Variants in ERBB4 observed in about 807,000 individuals in gnomAD.
The protein encoded by ERBB4 is receptor tyrosine-protein kinase erbB-4.
ERBB4 carries 42 observed loss-of-function variants against 158.0 expected under a neutral mutation model. The observed-to-expected ratio is 0.27, with a 90% confidence interval of 0.21 to 0.34. The LOEUF is 0.34. Ranked by LOEUF, ERBB4 falls within the 10% of genes least tolerant of loss-of-function variation. The pLI, the probability that ERBB4 is intolerant of heterozygous loss-of-function variation, is 1.00. For synonymous variants in ERBB4, 583 were observed against 558.7 expected (o/e 1.04, Z -0.61); for missense variants, 1,333 against 1,624.1 (o/e 0.82, Z 3.08).
At chr2:211,965,138 T>C (rs1156459817) in intron 2 of ERBB4, among the ~76,000 whole-genome samples, 1 of 152,102 alleles carries the variant, frequency 6.6e-6, no homozygotes, top group African/African-American at 2.4e-5. Context: ...GTTGACAGCG[T>C]CGTATCATGA....
intron 20 of ERBB4, among the ~76,000 whole-genome samples, chr2:211,493,761 A>T (rs938755992): frequency 2.0e-5 from 3 of 152,084 alleles, no homozygotes; most frequent in Admixed American, 6.5e-5. Context: ...AAAGCTCAAG[A>T]TGTTAACTAG....
At chr2:211,774,231 C>A (rs546871976) in intron 4 of ERBB4, among the ~76,000 whole-genome samples, 2 of 152,084 alleles carry the variant, frequency 1.3e-5, no homozygotes, top group East Asian at 3.9e-4. Context: ...TGCCATCATG[C>A]CCGACTAATT....
At chr2:211,538,602 T>C (rs1386713342) in intron 20 of ERBB4, among the ~76,000 whole-genome samples, 1 of 151,906 alleles carries the variant, frequency 6.6e-6, no homozygotes, top group African/African-American at 2.4e-5. Flanking sequence ...TGACACGGAA[T>C]TAAGTATAAT....
chr2:212,186,353 A>G (rs1215665828), intron 1 of ERBB4, among the ~76,000 whole-genome samples: 1 of 152,182 alleles, frequency 6.6e-6, no homozygotes, highest in African/African-American at 2.4e-5. Flanking sequence ...GCTAGTCAAG[A>G]GTGTCTGATA....
intron 3 of ERBB4, among the ~76,000 whole-genome samples, chr2:211,897,393 A>G (rs1295010030): frequency 6.6e-6 from 1 of 151,660 alleles, no homozygotes. Flanking sequence ...AATGATGCAT[A>G]TGAAGGGCTC....
At chr2:211,443,853 G>T (rs1034054321) in intron 20 of ERBB4, among the ~76,000 whole-genome samples, 33 of 152,176 alleles carry the variant, frequency 2.2e-4, no homozygotes, top group African/African-American at 7.5e-4. Context: ...AAAATTCTTA[G>T]AACAGTTAAG....
chr2:211,542,072 T>C (rs1574709811), intron 20 of ERBB4, among the ~76,000 whole-genome samples: 1 of 152,130 alleles, frequency 6.6e-6, no homozygotes, highest in African/African-American at 2.4e-5. Flanking sequence ...TTTTGGAATA[T>C]CACTTTCATT....
At chr2:212,101,352 T>TATATATATATATATAC (rs1553558282) in intron 2 of ERBB4, among the ~76,000 whole-genome samples, 102 of 139,954 alleles carry the variant, frequency 7.3e-4, no homozygotes, top group African/African-American at 3.0e-3. Context: ...ACCCTATACA[T>TATATATATATATATAC]ATATATATAT....
At chr2:211,511,306 G>A (rs993358266) in intron 20 of ERBB4, among the ~76,000 whole-genome samples, 2 of 151,886 alleles carry the variant, frequency 1.3e-5, no homozygotes. Flanking sequence ...GCTAATTATA[G>A]GTAATGTGAT....
intron 2 of ERBB4, among the ~76,000 whole-genome samples, chr2:212,040,016 G>GT (rs964862612): frequency 6.8e-4 from 98 of 145,056 alleles, no homozygotes; most frequent in East Asian, 1.0e-3. Flanking sequence ...AGTGAACTAT[G>GT]TTTTTTTTTT....
intron 23 of ERBB4, among the ~76,000 whole-genome samples, chr2:211,422,852 T>C (rs1324037952): frequency 1.3e-5 from 2 of 151,898 alleles, no homozygotes; most frequent in Non-Finnish European, 2.9e-5. Flanking sequence ...TCATTTCCTA[T>C]GCTAGTTACA....
At chr2:212,436,893 T>C (rs1027361851) in intron 1 of ERBB4, among the ~76,000 whole-genome samples, 1 of 151,808 alleles carries the variant, frequency 6.6e-6, no homozygotes, top group African/African-American at 2.4e-5. Flanking sequence ...GAGACAAGAA[T>C]AGGTTGGAGG....
At chr2:211,764,167 T>C in intron 4 of ERBB4, among the ~76,000 whole-genome samples, 1 of 152,332 alleles carries the variant, frequency 6.6e-6, no homozygotes, top group East Asian at 1.9e-4. Flanking sequence ...ACATATAATA[T>C]ATTTTAAAAA....
rs545226955 is a variant in ERBB4, at chr2:211,501,839, T to A, written c.2487+60064A>T. On this transcript the variant is annotated intron_variant, in intron 20 of 27. Transcript: ENST00000342788. Reference sequence around the variant, plus strand: ...TAATTCAGGGTCACTTTTATGAACATCAGTTACTCTATTCTGCTGTTATAA... The same window carrying A: ...TAATTCAGGGTCACTTTTATGAACAACAGTTACTCTATTCTGCTGTTATAA... Among the ~76,000 whole-genome samples the A allele has an allele frequency of 3.3e-5, 5 of 152,228 alleles. No individual in the cohort carries two copies. In the East Asian group the frequency reaches 9.6e-4, roughly 29 times the overall value.
At chr2:211,567,230 A>C (rs1350070011) in intron 19 of ERBB4, among the ~76,000 whole-genome samples, 1 of 152,188 alleles carries the variant, frequency 6.6e-6, no homozygotes, top group Non-Finnish European at 1.5e-5. Flanking sequence ...TTCTGACTGT[A>C]CTGTTACGAC....
rs1325556028 is a variant in ERBB4 at position 211,977,537 on chromosome 2, A to AAAAAAAG, written c.235-29922_235-29921insCTTTTTT. Among the ~76,000 whole-genome samples, 643 of 146,836 alleles carry AAAAAAAG rather than the reference A, an allele frequency of 4.4e-3. 20 individuals carry two copies. The highest frequency in any genetic ancestry group is 0.015 in the African/African-American group (612 of 40,392). ...TTTGTTAAGATATTGACTTTAAAAAAAAAAAAAAAAAGTAACTTGGCTGGG... is the reference window on the plus strand; with the variant it reads ...TTTGTTAAGATATTGACTTTAAAAAAAAAAAAGAAAAAAAAAAAGTAACTTGGCTGGG... On this transcript the variant is annotated intron_variant, in intron 2 of 27. Coordinates refer to ENST00000342788, the MANE Select transcript of ERBB4 (RefSeq NM_005235.3).
intron 9 of ERBB4, among the ~76,000 whole-genome samples, chr2:211,709,254 C>CACATATATAT (rs1402744514): frequency 7.9e-5 from 8 of 101,554 alleles, no homozygotes; most frequent in African/African-American, 3.1e-4. Context: ...TATATATACA[C>CACATATATAT]ATATATATAT....
At chr2:212,354,926 G>T (rs2089409781) in intron 1 of ERBB4, among the ~76,000 whole-genome samples, 1 of 151,780 alleles carries the variant, frequency 6.6e-6, no homozygotes, top group Admixed American at 6.6e-5. Flanking sequence ...AGATACTCGT[G>T]TTAGGCTTAT....
intron 1 of ERBB4, among the ~76,000 whole-genome samples, chr2:212,483,706 T>C (rs1365262664): frequency 6.6e-6 from 1 of 152,172 alleles, no homozygotes; most frequent in Non-Finnish European, 1.5e-5. Flanking sequence ...AAATCTGCTA[T>C]TAATTTCAAA....
Sources: allele counts gnomAD v4.1 joint callset (sites outside exome capture counted in the v4.1 genomes callset), GRCh38; gene constraint gnomAD v4.1.1; transcripts MANE v1.5; gene names NCBI Gene and HGNC (gene_info 2026-07-23, HGNC 2026-07-21).